Variants in FRMD5 observed in about 807,000 individuals in gnomAD.
FRMD5 encodes the protein FERM domain containing 5.
FRMD5 carries 20 observed loss-of-function variants against 69.0 expected under a neutral mutation model. The ratio of observed to expected loss-of-function variants is 0.29; its 90% CI spans 0.20 to 0.42. The LOEUF (loss-of-function observed/expected upper bound fraction) is 0.42. Ranked by LOEUF, FRMD5 falls within the 10% of genes least tolerant of loss-of-function variation. The pLI is 1.00. For missense variants in FRMD5, 595 were observed against 708.6 expected (o/e 0.84, Z 1.82); for synonymous variants, 271 against 260.1 (o/e 1.04, Z -0.40).
chr15:43,901,577 G>T (rs1037929178), intron 7 of FRMD5, among the ~76,000 whole-genome samples: 1 of 152,212 alleles, frequency 6.6e-6, no homozygotes, highest in Non-Finnish European at 1.5e-5. Flanking sequence ...CAGCCACAGA[G>T]AGAGACTGGA....
At chr15:43,944,951 A>ATCTTTT (rs370705444) in intron 1 of FRMD5, among the ~76,000 whole-genome samples, 4 of 133,882 alleles carry the variant, frequency 3.0e-5, no homozygotes, top group Admixed American at 7.1e-5. Context: ...AAGTTTATTT[A>ATCTTTT]TTTATTTTTT....
intron 13 of FRMD5, among the ~76,000 whole-genome samples, chr15:43,877,848 T>C (rs2088407519): frequency 6.6e-6 from 1 of 152,222 alleles, no homozygotes; most frequent in Non-Finnish European, 1.5e-5. Flanking sequence ...AAACCAAGGA[T>C]AGAATCCAAG....
In FRMD5 at chr15:43,923,204, T is replaced by C. The variant is rs74845083; in HGVS notation, c.207+1001A>G. On this transcript the variant is annotated intron_variant, in intron 2 of 13. Coordinates refer to ENST00000417257, the MANE Select transcript of FRMD5 (RefSeq NM_032892.5). ...CATTCATTTCTTCAGAAAATATTTATTGAACACCAACTACATTGTAGGCCT... is the reference window on the plus strand; with the variant it reads ...CATTCATTTCTTCAGAAAATATTTACTGAACACCAACTACATTGTAGGCCT... Among the ~76,000 whole-genome samples the C allele has an allele frequency of 2.6e-3, 390 of 152,354 alleles. 1 individual carries two copies. Among genetic ancestry groups the C allele is most frequent in the African/African-American group, 8.9e-3 (370 of 41,584 alleles).
Position 43,894,016 on chromosome 15 carries a change from A to G in FRMD5, c.640-1947T>C, listed in dbSNP as rs556515183. Among the ~76,000 whole-genome samples, 25 of 152,342 alleles carry G rather than the reference A, an allele frequency of 1.6e-4. No homozygotes were observed. In the South Asian group the frequency reaches 5.2e-3, roughly 32 times the overall value. ...TGTCATGATCCAGACACTTGGCTACAAGCACAATGTCATGGGCAGAACAAA... is the reference window on the plus strand; with the variant it reads ...TGTCATGATCCAGACACTTGGCTACGAGCACAATGTCATGGGCAGAACAAA... On this transcript the variant is annotated intron_variant, in intron 7 of 13. Coordinates refer to ENST00000417257, the MANE Select transcript of FRMD5 (RefSeq NM_032892.5).
chr15:43,923,839 G>T (rs994287299), intron 2 of FRMD5, among the ~76,000 whole-genome samples: 1 of 152,208 alleles, frequency 6.6e-6, no homozygotes, highest in African/African-American at 2.4e-5. Context: ...CCTTTGGTGA[G>T]GCCTTTCCTA....
At chr15:43,949,108 G>A (rs764314336) in intron 1 of FRMD5, among the ~76,000 whole-genome samples, 3 of 152,242 alleles carry the variant, frequency 2.0e-5, no homozygotes, top group Non-Finnish European at 4.4e-5. Flanking sequence ...GGCAAAGCCT[G>A]CAGGGAAAGA....
chr15:44,147,023 T>C (rs2077367336), intron 1 of FRMD5, among the ~76,000 whole-genome samples: 1 of 152,234 alleles, frequency 6.6e-6, no homozygotes, highest in Admixed American at 6.5e-5. Context: ...TTTGCTTTTG[T>C]TGCAATTGCT....
intron 1 of FRMD5, among the ~76,000 whole-genome samples, chr15:44,174,451 C>G (rs904375160): frequency 6.6e-6 from 1 of 152,142 alleles, no homozygotes; most frequent in Non-Finnish European, 1.5e-5. Context: ...AATGTATTGT[C>G]ATTTATAACC....
chr15:44,185,061 T>A (rs778725822), intron 1 of FRMD5, among the ~76,000 whole-genome samples: 4 of 152,242 alleles, frequency 2.6e-5, no homozygotes, highest in Non-Finnish European at 5.9e-5. Flanking sequence ...ACAAACTTTT[T>A]AAAATTATTT....
At chr15:43,982,936 CCAATCTTTTTTT>C (rs2090570507) in intron 1 of FRMD5, among the ~76,000 whole-genome samples, 1 of 125,908 alleles carries the variant, frequency 7.9e-6, no homozygotes, top group East Asian at 2.4e-4. Flanking sequence ...TATCTTTTTT[CCAATCTTTTTTT>C]GAGATGGAAT....
chr15:43,928,954 T>A lies in FRMD5; in HGVS notation c.103-4645A>T, dbSNP rs77131126. ...GGTTATTCTCTTCCCAAAGACATTA[T>A]TGGATCAAAATAACTTATTAAGCAC... On this transcript the variant is annotated intron_variant, in intron 1 of 13. Coordinates refer to ENST00000417257, the MANE Select transcript of FRMD5 (RefSeq NM_032892.5). 5.0e-4 allele frequency among the ~76,000 whole-genome samples: 76 copies of A among 152,338 alleles called. 1 individual carries two copies. The East Asian group carries it at 0.014, about 28-fold the overall frequency.
chr15:44,027,388 G>A (rs888177193), intron 1 of FRMD5, among the ~76,000 whole-genome samples: 1 of 152,062 alleles, frequency 6.6e-6, no homozygotes, highest in Non-Finnish European at 1.5e-5. Context: ...CTCTTGTTAT[G>A]TAACATGGAA....
intron 1 of FRMD5, among the ~76,000 whole-genome samples, chr15:44,037,433 T>C (rs1275071888): frequency 2.0e-5 from 3 of 152,102 alleles, no homozygotes; most frequent in Admixed American, 2.0e-4. Flanking sequence ...TGGTGAATAA[T>C]GCCTCAATAC....
intron 1 of FRMD5, among the ~76,000 whole-genome samples, chr15:43,969,911 G>T (rs1237357880): frequency 2.2e-4 from 33 of 152,250 alleles, no homozygotes; most frequent in Non-Finnish European, 5.9e-5. Flanking sequence ...TCTGTGTTCT[G>T]GTATAAGCAT....
chr15:43,989,501 G>A, intron 1 of FRMD5: 1 of 874,166 alleles, frequency 1.1e-6, no homozygotes. Flanking sequence ...GGCCACCATG[G>A]CCATCTCCTG....
intron 1 of FRMD5, among the ~76,000 whole-genome samples, chr15:44,011,468 T>C (rs1050027785): frequency 5.9e-5 from 9 of 152,112 alleles, no homozygotes; most frequent in African/African-American, 1.4e-4. Flanking sequence ...AGGAGAGAAA[T>C]AGAAGAAGGT....
At chr15:44,144,240 TA>T (rs2077320412) in intron 1 of FRMD5, among the ~76,000 whole-genome samples, 1 of 152,188 alleles carries the variant, frequency 6.6e-6, no homozygotes, top group African/African-American at 2.4e-5. Flanking sequence ...ATAGAGTAGG[TA>T]TTATTTTTAT....
In FRMD5 at chr15:43,873,042, G is replaced by C. The variant is rs1400896747; in HGVS notation, c.*843C>G. 1.3e-6 allele frequency: 1 copy of C among 755,744 alleles called. No individual in the cohort carries two copies. Among genetic ancestry groups the C allele is most frequent in the Non-Finnish European group, 2.2e-6 (1 of 461,370 alleles). 46.8% of individuals were successfully genotyped at this position (755,744 alleles called of 1,614,324 possible). On this transcript the variant is annotated 3_prime_UTR_variant, in exon 14 of 14. Coordinates refer to ENST00000417257, the MANE Select transcript of FRMD5 (RefSeq NM_032892.5). ...ATCTATCTCTGGTACCACTGAATTC[G>C]TTTAACGCCCCTGGAGCACTATAAA...
At chr15:44,083,292 G>A (rs1167450895) in intron 1 of FRMD5, among the ~76,000 whole-genome samples, 1 of 151,940 alleles carries the variant, frequency 6.6e-6, no homozygotes, top group African/African-American at 2.4e-5. Context: ...TCTTCTAAAT[G>A]CATCCACTAA....
Sources: gnomAD v4.1 joint callset for allele counts (sites outside exome capture counted in the v4.1 genomes callset) on GRCh38, gnomAD v4.1.1 for gene constraint, MANE v1.5 for transcripts, NCBI Gene and HGNC (gene_info 2026-07-23, HGNC 2026-07-21) for gene names.